TGFBR3: variants seen among roughly 807,000 people sequenced by gnomAD.
The protein encoded by TGFBR3 is transforming growth factor beta receptor type 3.
Under a neutral mutation model 87.9 loss-of-function variants are expected in TGFBR3, and 46 were observed. The observed-to-expected ratio is 0.52, with a 90% CI of 0.41 to 0.67. The LOEUF (loss-of-function observed/expected upper bound fraction) is 0.67. Among genes scored for constraint, TGFBR3 ranks in the 30% least tolerant of loss-of-function variants. The pLI is 0.00. For synonymous variants in TGFBR3, 381 were observed against 391.6 expected (o/e 0.97, Z 0.32); for missense variants, 866 against 1,041.9 (o/e 0.83, Z 2.32).
chr1:91,717,701 AC>A (rs66526486), intron 10 of TGFBR3, among the ~76,000 whole-genome samples: 31,824 of 148,952 alleles, frequency 0.21, 3,704 homozygotes, highest in South Asian at 0.3. Context: ...AAAAAAAAAA[AC>A]AAACTGCCTT....
intron 2 of TGFBR3, among the ~76,000 whole-genome samples, chr1:91,819,622 T>C (rs1255705259): frequency 2.0e-5 from 3 of 152,102 alleles, no homozygotes; most frequent in African/African-American, 7.2e-5. Context: ...AGTAAATCCA[T>C]AGCTTACAAT....
chr1:91,730,072 CAG>C, intron 5 of TGFBR3, 99 bp from the exon 6 acceptor site: 1 of 1,334,854 alleles, frequency 7.5e-7, no homozygotes, highest in Non-Finnish European at 1.1e-6. Context: ...ATGGCAGACA[CAG>C]GGAACCACGA....
intron 4 of TGFBR3, among the ~76,000 whole-genome samples, chr1:91,752,134 A>G (rs140120471): frequency 3.9e-5 from 6 of 152,278 alleles, no homozygotes; most frequent in Admixed American, 6.5e-5. Flanking sequence ...TGGAAACAAA[A>G]ACCTGAATTA....
intron 3 of TGFBR3, among the ~76,000 whole-genome samples, chr1:91,759,914 C>T (rs1304180152): frequency 1.3e-5 from 2 of 152,240 alleles, no homozygotes; most frequent in Non-Finnish European, 2.9e-5. Flanking sequence ...TTCACATTTT[C>T]CCAATGGCTG....
rs60294904 is a variant in TGFBR3 at position 91,780,551 on chromosome 1, C to CTTTTTTT, written c.246+16729_246+16735dup. On this transcript the variant is annotated intron_variant, in intron 3 of 16. Coordinates refer to ENST00000212355, the MANE Select transcript of TGFBR3 (RefSeq NM_003243.5). ...TACTAGTTCCCGCAAGGGTCTAAGG[C>CTTTTTTT]TTTTTTTTTTTTTTTTTTTTTTTCT... Among the ~76,000 whole-genome samples, 80 of 77,170 alleles carry CTTTTTTT rather than the reference C, an allele frequency of 1.0e-3. 7 individuals are homozygous for CTTTTTTT. Among genetic ancestry groups the CTTTTTTT allele is most frequent in the African/African-American group, 1.9e-3 (35 of 18,340 alleles). The allele number at this position is 77,170 out of a possible 152,430, so 50.6% of individuals were successfully genotyped here.
chr1:91,803,634 T>G (rs765319354), intron 2 of TGFBR3, among the ~76,000 whole-genome samples: 1 of 152,112 alleles, frequency 6.6e-6, no homozygotes, highest in East Asian at 1.9e-4. Flanking sequence ...TAACCTACCC[T>G]AATTAATGTA....
chr1:91,818,230 TA>T (rs949367448), intron 2 of TGFBR3, among the ~76,000 whole-genome samples: 2 of 147,518 alleles, frequency 1.4e-5, no homozygotes, highest in East Asian at 2.0e-4. Context: ...TCTTTACTAT[TA>T]AAAAAAAATT....
At position 91,680,661 on chromosome 1, in the gene TGFBR3, GA is replaced by G. The variant is rs1043442464; in HGVS notation, c.*3077del. 31 of 453,682 alleles carry G rather than the reference GA, an allele frequency of 6.8e-5. No individual in the cohort carries two copies. Among genetic ancestry groups the G allele is most frequent in the African/African-American group, 5.8e-4 (29 of 49,874 alleles). The allele number at this position is 453,682 out of a possible 1,614,324, so 28.1% of individuals were successfully genotyped here. ...AACAACCCCCAGATAAAACAAACATGAAAAAAATCACATAGGACTCACCCAA... is the reference window on the plus strand; with the variant it reads ...AACAACCCCCAGATAAAACAAACATGAAAAAATCACATAGGACTCACCCAA... On this transcript the variant is annotated 3_prime_UTR_variant, in exon 17 of 17. Coordinates refer to ENST00000212355, the MANE Select transcript of TGFBR3 (RefSeq NM_003243.5).
intron 3 of TGFBR3, among the ~76,000 whole-genome samples, chr1:91,768,183 G>C (rs963661674): frequency 3.4e-5 from 5 of 147,046 alleles, no homozygotes; most frequent in Admixed American, 2.8e-4. Flanking sequence ...TTGCACTCCA[G>C]CCTGGGCAAC....
intron 4 of TGFBR3, among the ~76,000 whole-genome samples, chr1:91,751,778 T>G (rs1242070637): frequency 6.6e-6 from 1 of 152,246 alleles, no homozygotes; most frequent in Non-Finnish European, 1.5e-5. Flanking sequence ...TTTGATTTGT[T>G]TTTAATCCAA....
intron 2 of TGFBR3, among the ~76,000 whole-genome samples, chr1:91,849,551 TC>T (rs921381129): frequency 1.4e-4 from 21 of 152,304 alleles, no homozygotes; most frequent in Admixed American, 3.9e-4. Flanking sequence ...CAAATTGCAA[TC>T]CCCGCTAACA....
chr1:91,764,794 G>A (rs1446955041), intron 3 of TGFBR3, among the ~76,000 whole-genome samples: 3 of 152,182 alleles, frequency 2.0e-5, no homozygotes, highest in Non-Finnish European at 4.4e-5. Flanking sequence ...GGCCTAAAGT[G>A]CACCACAGTG....
rs575857366 is a variant in TGFBR3 at position 91,715,709 on chromosome 1, GA to G, written c.1866+526del. On this transcript the variant is annotated intron_variant, in intron 12 of 16. Coordinates refer to ENST00000212355, the MANE Select transcript of TGFBR3 (RefSeq NM_003243.5). ...ATACAGATACTCAGATCATGATCTAGAAAAAAAAATGTCATGAGTTATAATA... is the reference window on the plus strand; with the variant it reads ...ATACAGATACTCAGATCATGATCTAGAAAAAAAATGTCATGAGTTATAATA... Among the ~76,000 whole-genome samples the G allele has an allele frequency of 3.1e-4, 47 of 151,176 alleles. No homozygotes were observed. In the South Asian group the frequency reaches 9.0e-3, roughly 29 times the overall value.
At chr1:91,800,198 C>A (rs1213783018) in intron 2 of TGFBR3, among the ~76,000 whole-genome samples, 2 of 145,500 alleles carry the variant, frequency 1.4e-5, no homozygotes, top group East Asian at 2.1e-4. Context: ...ACAAAAGCAA[C>A]CTGTGCAATA....
In TGFBR3 at chr1:91,681,005, G is replaced by A. The variant is rs1004875520; in HGVS notation, c.*2734C>T. On this transcript the variant is annotated 3_prime_UTR_variant, in exon 17 of 17. Transcript: ENST00000212355. ...ATACAGACAATCTGCCTTGGAGTTT[G>A]GGGCATTTTAACAACAGCTTCAGCA... 4.4e-6 allele frequency: 2 copies of A among 454,036 alleles called. No homozygotes were observed. Among genetic ancestry groups the A allele is most frequent in the Non-Finnish European group, 8.8e-6 (2 of 226,774 alleles). 28.1% of individuals were successfully genotyped at this position (454,036 alleles called of 1,614,324 possible). A position where few individuals can be genotyped will look rare whatever the true frequency, so the allele number is the denominator to read the frequency against.
At chr1:91,782,516 A>C (rs1674810825) in intron 3 of TGFBR3, among the ~76,000 whole-genome samples, 1 of 152,214 alleles carries the variant, frequency 6.6e-6, no homozygotes, top group African/African-American at 2.4e-5. Flanking sequence ...CACTGCTTGC[A>C]CATCGACTGA....
rs371115644 is a variant in TGFBR3 at position 91,850,371 on chromosome 1, A to G, written c.61+11100T>C. ...GCATTTTGCTTCACCATGTAGTATTATAACTTTAACTTTCAGCAATTTAAC... is the reference window on the plus strand; with the variant it reads ...GCATTTTGCTTCACCATGTAGTATTGTAACTTTAACTTTCAGCAATTTAAC... On this transcript the variant is annotated intron_variant, in intron 2 of 16. Coordinates refer to ENST00000212355, the MANE Select transcript of TGFBR3 (RefSeq NM_003243.5). Among the ~76,000 whole-genome samples the G allele has an allele frequency of 1.0e-3, 155 of 152,380 alleles. 1 individual carries two copies. The highest frequency in any genetic ancestry group is 3.5e-3 in the African/African-American group (145 of 41,594).
chr1:91,795,177 T>C (rs528897770), intron 3 of TGFBR3, among the ~76,000 whole-genome samples: 4 of 152,332 alleles, frequency 2.6e-5, no homozygotes, highest in East Asian at 3.9e-4. Flanking sequence ...TATCCCAAAA[T>C]CTTGTTTTCA....
intron 2 of TGFBR3, among the ~76,000 whole-genome samples, chr1:91,798,190 T>C (rs956833187): frequency 1.3e-5 from 2 of 152,148 alleles, no homozygotes; most frequent in African/African-American, 2.4e-5. Flanking sequence ...TTACAAACCT[T>C]CCTGAACGGA....
Sources: allele counts gnomAD v4.1 joint callset (sites outside exome capture counted in the v4.1 genomes callset), GRCh38; gene constraint gnomAD v4.1.1; transcripts MANE v1.5; gene names NCBI Gene and HGNC (gene_info 2026-07-23, HGNC 2026-07-21).